TSC22D1: variants seen among roughly 807,000 people sequenced by gnomAD.
The protein encoded by TSC22D1 is TSC22 domain family protein 1.
In TSC22D1, 9 loss-of-function variants were observed where a neutral mutation model predicts 74.2. The observed-to-expected ratio is 0.12, with a 90% CI of 0.07 to 0.21. The LOEUF (loss-of-function observed/expected upper bound fraction) is 0.21, where lower values mean the gene tolerates loss of function less well. TSC22D1 is among the 10% of genes least tolerant of loss of function. The pLI is 1.00. For synonymous variants in TSC22D1, 586 were observed against 492.5 expected (o/e 1.19, Z -2.51); for missense variants, 1,427 against 1,304.7 (o/e 1.09, Z -1.44).
chr13:44,503,333 A>G (rs1879298009), intron 1 of TSC22D1, among the ~76,000 whole-genome samples: 1 of 152,160 alleles, frequency 6.6e-6, no homozygotes, highest in African/African-American at 2.4e-5. Context: ...TACACAGAAA[A>G]AAAACAGAGA....
At chr13:44,469,201 C>T (rs1426193306) in intron 1 of TSC22D1, among the ~76,000 whole-genome samples, 1 of 152,122 alleles carries the variant, frequency 6.6e-6, no homozygotes, top group African/African-American at 2.4e-5. Context: ...TCTTTATAAC[C>T]AGGCATTCAA....
In TSC22D1 at chr13:44,573,451, G is replaced by A. The variant is rs1290096646; in HGVS notation, c.2624C>T (p.Pro875Leu). The A allele has an allele frequency of 6.2e-7, 1 of 1,614,246 alleles. No homozygotes were observed. Among genetic ancestry groups the A allele is most frequent in the Non-Finnish European group, 8.5e-7 (1 of 1,180,050 alleles). Residue 875 changes from proline to leucine, a missense_variant, in exon 1 of 3, where the codon CCT becomes CTT. Pro to Leu is a moderately conservative substitution (Grantham distance 98). Around this residue, in one of 3 missense-constraint regions of TSC22D1, gnomAD observed 1,343 missense variants for 1,191.5 expected, o/e 1.13. Transcript: ENST00000458659. ...ATTTGTATTAGTTGCTATCAAGGGA[G>A]GTTGACTAACACTTTGAACCAAATT... is the stretch of plus-strand genomic sequence containing the variant. ...NGNLVQSVSQPPLIATNTNLP... is the reference protein window; with the variant it reads ...NGNLVQSVSQLPLIATNTNLP...
intron 1 of TSC22D1, among the ~76,000 whole-genome samples, chr13:44,524,455 GATTA>G (rs1430381132): frequency 6.6e-6 from 1 of 152,164 alleles, no homozygotes; most frequent in Non-Finnish European, 1.5e-5. Flanking sequence ...AACTTAAATA[GATTA>G]ATTAAGACAG....
Position 44,575,293 on chromosome 13 carries a change from T to C in TSC22D1, c.782A>G (p.Lys261Arg). 1.2e-6 allele frequency: 2 copies of C among 1,614,018 alleles called. No individual in the cohort carries two copies. The highest frequency in any genetic ancestry group is 1.7e-5 in the Admixed American group (1 of 60,012). Reference sequence around the variant, plus strand: ...GTCAGAGCTTCCAGTTGTAGAGAGTTTTCTAGATACTGGGCTTGAGGGTGG... The same window carrying C: ...GTCAGAGCTTCCAGTTGTAGAGAGTCTTCTAGATACTGGGCTTGAGGGTGG... ...GGPPSSPVSR[K>R]LSTTGSSDSI... The change falls in exon 1 of 3, where the codon AAA becomes AGA. Residue 261 changes from lysine to arginine, a missense_variant. By Grantham distance (26) the Lys-to-Arg change is conservative (BLOSUM62 2). This residue lies in a region of TSC22D1 where 1,343 missense variants were observed against 1,191.5 expected (regional missense o/e 1.13). Coordinates refer to ENST00000458659, the MANE Select transcript of TSC22D1 (RefSeq NM_183422.4).
At chr13:44,454,413 G>A (rs951797658) in intron 1 of TSC22D1, among the ~76,000 whole-genome samples, 8 of 152,052 alleles carry the variant, frequency 5.3e-5, no homozygotes, top group African/African-American at 1.9e-4. Context: ...AAGTATAACG[G>A]TAGAACAAAC....
chr13:44,554,364 T>C (rs1882483758), intron 1 of TSC22D1, among the ~76,000 whole-genome samples: 1 of 152,186 alleles, frequency 6.6e-6, no homozygotes, highest in Admixed American at 6.5e-5. Context: ...TCCAGATGCA[T>C]CAATTCATTT....
At chr13:44,437,104 C>T in intron 1 of TSC22D1, 2 of 981,748 alleles carry the variant, frequency 2.0e-6, no homozygotes, top group Non-Finnish European at 2.4e-6. Context: ...CCTCAAAACA[C>T]TGGGCCATTG....
intron 1 of TSC22D1, among the ~76,000 whole-genome samples, chr13:44,458,261 T>G (rs1876785757): frequency 6.6e-6 from 1 of 152,222 alleles, no homozygotes; most frequent in Non-Finnish European, 1.5e-5. Flanking sequence ...TTTTAGCCAT[T>G]TAAGTCCATA....
Position 44,436,474 on chromosome 13 carries a change from T to C in TSC22D1, c.2913-379A>G, listed in dbSNP as rs766377727. On this transcript the variant is annotated intron_variant, in intron 1 of 2. Coordinates refer to ENST00000458659, the MANE Select transcript of TSC22D1 (RefSeq NM_183422.4). ...TTATTATAAGTATCCCACGAATAAA[T>C]TTAAAGAAACTATCTTAGCCGACAT... 6.2e-6 allele frequency: 10 copies of C among 1,608,898 alleles called. No individual in the cohort carries two copies. The Admixed American group carries it at 1.7e-4, about 27-fold the overall frequency.
chr13:44,516,268 C>T (rs549823856), intron 1 of TSC22D1: 8 of 407,258 alleles, frequency 2.0e-5, no homozygotes, highest in South Asian at 1.0e-4. Context: ...TAGAAATTGA[C>T]GCTGAATGGT....
intron 1 of TSC22D1, among the ~76,000 whole-genome samples, chr13:44,522,095 G>T (rs928924053): frequency 1.3e-5 from 2 of 152,176 alleles, no homozygotes; most frequent in Admixed American, 6.6e-5. Flanking sequence ...TCAAGGAAGA[G>T]AACTAAATGT....
chr13:44,502,511 T>G (rs1879262416), intron 1 of TSC22D1, among the ~76,000 whole-genome samples: 1 of 152,350 alleles, frequency 6.6e-6, no homozygotes, highest in East Asian at 1.9e-4. Flanking sequence ...GGATGGTTGA[T>G]GACCAATGCT....
chr13:44,434,257 A>G lies in TSC22D1; in HGVS notation c.*369T>C. 1.4e-6 allele frequency: 2 copies of G among 1,402,884 alleles called. No individual in the cohort carries two copies. The highest frequency in any genetic ancestry group is 1.8e-6 in the Non-Finnish European group (2 of 1,091,036). The allele number at this position is 1,402,884 out of a possible 1,614,324, so 86.9% of individuals were successfully genotyped here. ...GCTCCATCGCTTCACAACCCCATGT[A>G]GGACACTAAGCGCAAGCAGGAGAGA... On this transcript the variant is annotated 3_prime_UTR_variant, in exon 3 of 3. Coordinates refer to ENST00000458659, the MANE Select transcript of TSC22D1 (RefSeq NM_183422.4).
At chr13:44,460,949 A>G (rs1267238240) in intron 1 of TSC22D1, among the ~76,000 whole-genome samples, 1 of 152,216 alleles carries the variant, frequency 6.6e-6, no homozygotes, top group Non-Finnish European at 1.5e-5. Context: ...GAATGATATA[A>G]TTTATCATCT....
chr13:44,466,287 C>G (rs1239560725), intron 1 of TSC22D1, among the ~76,000 whole-genome samples: 1 of 152,122 alleles, frequency 6.6e-6, no homozygotes, highest in Non-Finnish European at 1.5e-5. Context: ...CTATTCAGTG[C>G]GACTTAGCAC....
chr13:44,440,046 T>G (rs901800712), intron 1 of TSC22D1, among the ~76,000 whole-genome samples: 1 of 152,204 alleles, frequency 6.6e-6, no homozygotes, highest in African/African-American at 2.4e-5. Context: ...GTCACCTCCA[T>G]TTTTCTAGTT....
At chr13:44,545,702 C>A (rs1175789902) in intron 1 of TSC22D1, among the ~76,000 whole-genome samples, 1 of 151,998 alleles carries the variant, frequency 6.6e-6, no homozygotes, top group Non-Finnish European at 1.5e-5. Flanking sequence ...CCAGGCCAGG[C>A]GTGCTGGCTC....
chr13:44,565,852 T>C (rs896448261), intron 1 of TSC22D1, among the ~76,000 whole-genome samples: 1 of 152,182 alleles, frequency 6.6e-6, no homozygotes, highest in Non-Finnish European at 1.5e-5. Context: ...AATTAAACTT[T>C]CTAAACAAGA....
intron 1 of TSC22D1, among the ~76,000 whole-genome samples, chr13:44,549,363 A>G (rs1353619432): frequency 6.6e-6 from 1 of 152,170 alleles, no homozygotes; most frequent in Non-Finnish European, 1.5e-5. Flanking sequence ...AATCTACTCT[A>G]TCTTATTATA....
Sources: allele counts gnomAD v4.1 joint callset (sites outside exome capture counted in the v4.1 genomes callset), GRCh38; gene constraint gnomAD v4.1.1; regional missense constraint gnomAD v4.1.1; transcripts MANE v1.5; gene names NCBI Gene and HGNC (gene_info 2026-07-23, HGNC 2026-07-21).